The following WWOX variants were observed in gnomAD, a reference collection of about 807,000 sequenced individuals.
WWOX encodes WW domain-containing oxidoreductase.
In WWOX, 69 loss-of-function variants were observed where a neutral mutation model predicts 46.2. That is an observed-to-expected ratio of 1.49 (90% CI 1.23 to 1.82). WWOX has a LOEUF of 1.82. Among genes scored for constraint, WWOX ranks in the 40% most tolerant of loss-of-function variants. WWOX has a pLI of 0.00. For synonymous variants in WWOX, 359 were observed against 202.6 expected (o/e 1.77, Z -6.56); for missense variants, 919 against 542.6 (o/e 1.69, Z -6.89).
intron 8 of WWOX, among the ~76,000 whole-genome samples, chr16:78,772,887 C>T (rs968388962): frequency 6.6e-6 from 1 of 151,980 alleles, no homozygotes; most frequent in Admixed American, 6.6e-5. Context: ...TAATGGGGTG[C>T]AGTGGTACAT....
At chr16:78,949,789 G>C (rs141868339) in intron 8 of WWOX, among the ~76,000 whole-genome samples, 1 of 152,162 alleles carries the variant, frequency 6.6e-6, no homozygotes, top group Non-Finnish European at 1.5e-5. Context: ...GCCTCAATGC[G>C]TGCATCCTAC....
At chr16:78,398,192 C>T (rs2082331975) in intron 6 of WWOX, among the ~76,000 whole-genome samples, 2 of 152,296 alleles carry the variant, frequency 1.3e-5, no homozygotes, top group South Asian at 2.1e-4. Context: ...TCCTGTTTGG[C>T]AATGTCCTGC....
chr16:78,879,227 G>C (rs1166866117), intron 8 of WWOX, among the ~76,000 whole-genome samples: 1 of 152,182 alleles, frequency 6.6e-6, no homozygotes, highest in Non-Finnish European at 1.5e-5. Context: ...AAAAAGAGCT[G>C]GTTGGGCATG....
At chr16:78,978,061 T>A (rs2046608216) in intron 8 of WWOX, among the ~76,000 whole-genome samples, 1 of 152,224 alleles carries the variant, frequency 6.6e-6, no homozygotes, top group African/African-American at 2.4e-5. Context: ...TCCCTACCAT[T>A]CTACCTTCTG....
intron 8 of WWOX, among the ~76,000 whole-genome samples, chr16:78,887,811 G>C (rs1485706788): frequency 6.6e-6 from 1 of 152,166 alleles, no homozygotes; most frequent in African/African-American, 2.4e-5. Flanking sequence ...GAGTTTTGCT[G>C]AGTGAGCTTA....
chr16:79,029,287 C>T (rs1239719736), intron 8 of WWOX, among the ~76,000 whole-genome samples: 3 of 152,174 alleles, frequency 2.0e-5, no homozygotes, highest in Non-Finnish European at 4.4e-5. Context: ...ATGTTTCTTA[C>T]ATCCTCAGCT....
chr16:78,788,204 C>G (rs1028438829), intron 8 of WWOX, among the ~76,000 whole-genome samples: 3 of 152,246 alleles, frequency 2.0e-5, no homozygotes, highest in African/African-American at 7.2e-5. Context: ...GGTGTTGTAT[C>G]TAAGAATCCA....
intron 8 of WWOX, among the ~76,000 whole-genome samples, chr16:78,930,066 A>G (rs2045585161): frequency 6.6e-6 from 1 of 152,004 alleles, no homozygotes; most frequent in Admixed American, 6.6e-5. Context: ...TAGGGGAAGC[A>G]TAGCTTCTTG....
At chr16:79,210,011 A>G (rs548814323) in intron 8 of WWOX, among the ~76,000 whole-genome samples, 32 of 152,350 alleles carry the variant, frequency 2.1e-4, no homozygotes, top group Admixed American at 2.1e-3. Flanking sequence ...TGGGGAGGTA[A>G]CAAACCAGCT....
intron 8 of WWOX, among the ~76,000 whole-genome samples, chr16:78,493,462 C>G (rs187756270): frequency 6.6e-6 from 1 of 152,134 alleles, no homozygotes; most frequent in Non-Finnish European, 1.5e-5. Flanking sequence ...GAGTAACTAA[C>G]GTGTTTATTT....
intron 8 of WWOX, among the ~76,000 whole-genome samples, chr16:79,064,192 T>A (rs988826777): frequency 6.6e-6 from 1 of 152,228 alleles, no homozygotes; most frequent in Non-Finnish European, 1.5e-5. Context: ...AATATTGTTG[T>A]ACAAGAGTGG....
At chr16:78,734,841 CTTTTTTTTTTTTTTTTTTTTTTTTT>C (rs60560119) in intron 8 of WWOX, among the ~76,000 whole-genome samples, 22 of 40,124 alleles carry the variant, frequency 5.5e-4, no homozygotes, top group Middle Eastern at 0.022. Context: ...GACTTCAGTC[CTTTTTTTTTTTTTTTTTTTTTTTTT>C]TTTTTTTTTT....
intron 8 of WWOX, among the ~76,000 whole-genome samples, chr16:79,019,520 T>C (rs2047489018): frequency 6.6e-6 from 1 of 152,072 alleles, no homozygotes; most frequent in Non-Finnish European, 1.5e-5. Context: ...ATATATGCAG[T>C]CTGTCATTGA....
intron 8 of WWOX, among the ~76,000 whole-genome samples, chr16:78,747,595 A>G (rs1417129732): frequency 6.6e-6 from 1 of 152,172 alleles, no homozygotes; most frequent in African/African-American, 2.4e-5. Context: ...TTACTTAGCT[A>G]GCAAATGGTG....
At chr16:78,336,380 C>T (rs1597500677) in intron 5 of WWOX, among the ~76,000 whole-genome samples, 1 of 149,734 alleles carries the variant, frequency 6.7e-6, no homozygotes, top group South Asian at 2.1e-4. Flanking sequence ...GGTGATGTGG[C>T]CTATAGTCCC....
intron 7 of WWOX, among the ~76,000 whole-genome samples, chr16:78,427,901 C>T (rs757369937): frequency 2.0e-5 from 3 of 152,142 alleles, no homozygotes. Context: ...AACCCCATCT[C>T]TACTAAAAAT....
intron 8 of WWOX, among the ~76,000 whole-genome samples, chr16:79,151,758 A>C (rs144138547): frequency 0.014 from 2,077 of 152,294 alleles, 31 homozygotes; most frequent in East Asian, 0.029. Context: ...AGCCAGAGCC[A>C]CCTAATGGGC....
chr16:78,529,320 C>T (rs1011578450), intron 8 of WWOX, among the ~76,000 whole-genome samples: 2 of 152,120 alleles, frequency 1.3e-5, no homozygotes, highest in African/African-American at 4.8e-5. Context: ...TTATCAAATG[C>T]ATTCTCACAT....
chr16:78,983,864 G>C (rs1240800221), intron 8 of WWOX, among the ~76,000 whole-genome samples: 1 of 109,720 alleles, frequency 9.1e-6, no homozygotes, highest in African/African-American at 3.0e-5. Context: ...TGTTATGAGA[G>C]CTATTCTTTT....
Sources: allele counts gnomAD v4.1 joint callset (sites outside exome capture counted in the v4.1 genomes callset), GRCh38; gene constraint gnomAD v4.1.1; transcripts MANE v1.5; gene names NCBI Gene and HGNC (gene_info 2026-07-23, HGNC 2026-07-21).